The following PGAP1 variants were observed in gnomAD, a reference collection of about 807,000 sequenced individuals.
PGAP1 encodes the protein post-GPI attachment to proteins inositol deacylase 1, also known as GPI inositol-deacylase.
A neutral mutation model predicts 127.0 loss-of-function variants in PGAP1; 76 were observed. That is an observed-to-expected ratio of 0.60 (90% CI 0.50 to 0.72). The LOEUF (loss-of-function observed/expected upper bound fraction) is 0.72. PGAP1 is among the 30% of genes least tolerant of loss of function. PGAP1 has a pLI of 0.00. For synonymous variants in PGAP1, 362 were observed against 366.5 expected (o/e 0.99, Z 0.14); for missense variants, 982 against 1,071.3 (o/e 0.92, Z 1.16).
At chr2:196,885,200 A>C (rs1701859059) in intron 12 of PGAP1, among the ~76,000 whole-genome samples, 1 of 152,212 alleles carries the variant, frequency 6.6e-6, no homozygotes, top group Non-Finnish European at 1.5e-5. Context: ...AGGACTGTTA[A>C]CTTATAGTTT....
chr2:196,882,880 C>T (rs1223658840), intron 12 of PGAP1, among the ~76,000 whole-genome samples: 3 of 152,144 alleles, frequency 2.0e-5, no homozygotes, highest in Non-Finnish European at 4.4e-5. Flanking sequence ...CCAGGTCTTC[C>T]AGTACTATGC....
chr2:196,879,625 G>A (rs1171289441), intron 13 of PGAP1, among the ~76,000 whole-genome samples: 1 of 152,118 alleles, frequency 6.6e-6, no homozygotes, highest in African/African-American at 2.4e-5. Context: ...AACCCAGGAG[G>A]TGGAGGTTGT....
chr2:196,894,989 T>A (rs1403461470), intron 7 of PGAP1, among the ~76,000 whole-genome samples: 1 of 152,162 alleles, frequency 6.6e-6, no homozygotes, highest in Admixed American at 6.5e-5. Flanking sequence ...GCATTTTAGT[T>A]TCCCTGAATA....
At chr2:196,890,129 T>G (rs1030998574) in intron 10 of PGAP1, among the ~76,000 whole-genome samples, 1 of 152,046 alleles carries the variant, frequency 6.6e-6, no homozygotes, top group African/African-American at 2.4e-5. Flanking sequence ...GAGACGGGGT[T>G]TGACCATGTT....
At chr2:196,890,786 G>C (rs1169214277) in intron 10 of PGAP1, 42 bp downstream of exon 10, 1 of 1,146,544 alleles carries the variant, frequency 8.7e-7, no homozygotes, top group East Asian at 2.4e-5. Context: ...ATGAACAACA[G>C]TTAGCCTCTT....
chr2:196,893,188 G>T lies in PGAP1; in HGVS notation c.985C>A (p.Pro329Thr). The change falls in exon 8 of 27, where the codon CCA becomes ACA. Residue 329 changes from proline (P) to threonine (T), a missense_variant. Physicochemically the swap from Pro to Thr is conservative, Grantham distance 38. Transcript: ENST00000354764. Reference protein sequence around the residue: ...SVLYHHFIRHPSKHFEENPAI... With the variant: ...SVLYHHFIRHTSKHFEENPAI... ...GGATTTTCCTCAAAATGTTTTGATG[G>T]GTGTCTTATAAAGTGGTGATACAAA... The T allele has an allele frequency of 1.3e-6, 2 of 1,599,398 alleles. No homozygotes were observed. Among genetic ancestry groups the T allele is most frequent in the Non-Finnish European group, 8.5e-7 (1 of 1,171,054 alleles).
chr2:196,926,419 C>A (rs1171190909), intron 1 of PGAP1, 51 bp downstream of exon 1: 4 of 1,608,666 alleles, frequency 2.5e-6, no homozygotes, highest in Non-Finnish European at 2.5e-6. Flanking sequence ...GAAAAAGGCA[C>A]CAGGGGCCAG....
At chr2:196,848,522 C>T (rs1035313456) in intron 20 of PGAP1, among the ~76,000 whole-genome samples, 5 of 152,092 alleles carry the variant, frequency 3.3e-5, no homozygotes, top group East Asian at 1.9e-4. Context: ...TAAAGATAGG[C>T]CTATTCTGAA....
chr2:196,884,412 T>C (rs1701830409), intron 12 of PGAP1, among the ~76,000 whole-genome samples: 1 of 152,170 alleles, frequency 6.6e-6, no homozygotes, highest in South Asian at 2.1e-4. Flanking sequence ...TCATATTTGT[T>C]TGATAAACAC....
At chr2:196,873,435 A>G in intron 16 of PGAP1, 93 bp downstream of exon 16, 1 of 840,708 alleles carries the variant, frequency 1.2e-6, no homozygotes, top group Non-Finnish European at 1.9e-6. Context: ...AAATATATGG[A>G]AGAATAAGTA....
intron 10 of PGAP1, among the ~76,000 whole-genome samples, chr2:196,887,256 C>T (rs1701942678): frequency 1.3e-5 from 2 of 152,082 alleles, no homozygotes; most frequent in South Asian, 2.1e-4. Context: ...TGGTGGTGGG[C>T]GTCTGTAGTC....
At chr2:196,916,352 T>C (rs1022612361) in intron 3 of PGAP1, 66 bp downstream of exon 3, 8 of 1,382,056 alleles carry the variant, frequency 5.8e-6, no homozygotes, top group African/African-American at 4.4e-5. Flanking sequence ...TAAAGTATAC[T>C]GAATCCCTTT....
At position 196,835,269 on chromosome 2, in the gene PGAP1, G is replaced by T. The variant is rs973445523; in HGVS notation, c.*5965C>A. On this transcript the variant is annotated 3_prime_UTR_variant, in exon 27 of 27. Transcript: ENST00000354764. ...TACTATGTTAGGTTCCAGTGGACAA[G>T]TTCCCCTGTGAAACATGTGACTATA... 1 of 151,900 alleles carries T rather than the reference G, an allele frequency of 6.6e-6. No homozygotes were observed. The highest frequency in any genetic ancestry group is 2.4e-5 in the African/African-American group (1 of 41,408). 9.4% of individuals were successfully genotyped at this position (151,900 alleles called of 1,614,324 possible). A position where few individuals can be genotyped will look rare whatever the true frequency, so the allele number is the denominator to read the frequency against.
chr2:196,884,797 T>C (rs539095850), intron 12 of PGAP1, among the ~76,000 whole-genome samples: 27 of 152,276 alleles, frequency 1.8e-4, no homozygotes, highest in Admixed American at 4.6e-4. Context: ...TAAATACAAT[T>C]TGGAAATTAG....
intron 10 of PGAP1, among the ~76,000 whole-genome samples, chr2:196,886,838 C>T (rs1432989381): frequency 6.6e-6 from 1 of 152,028 alleles, no homozygotes; most frequent in Non-Finnish European, 1.5e-5. Flanking sequence ...GCTGGGACTA[C>T]AGCGGTGTGA....
intron 10 of PGAP1, among the ~76,000 whole-genome samples, chr2:196,888,969 T>C (rs1193895594): frequency 1.3e-5 from 2 of 152,198 alleles, no homozygotes; most frequent in African/African-American, 2.4e-5. Context: ...AGCTGTGTGT[T>C]GATTATAAAA....
intron 19 of PGAP1, 71 bp from the exon 20 acceptor site, chr2:196,865,151 T>C (rs1701198851): frequency 1.2e-6 from 1 of 827,996 alleles, no homozygotes; most frequent in Non-Finnish European, 1.9e-6. Context: ...ACATAAAATT[T>C]AAAAGTTGCT....
Position 196,893,136 on chromosome 2 carries a change from C to T in PGAP1, c.1033+4G>A. 1 of 1,523,736 alleles carries T rather than the reference C, an allele frequency of 6.6e-7. No individual in the cohort carries two copies. Among genetic ancestry groups the T allele is most frequent in the Non-Finnish European group, 9.1e-7 (1 of 1,104,024 alleles). 94.4% of individuals were successfully genotyped at this position (1,523,736 alleles called of 1,614,324 possible). On this transcript the variant is annotated splice_donor_region_variant and intron_variant, in intron 8 of 26. Transcript: ENST00000354764. ...TAAAATTAAAATATGTTATTGTCAC[C>T]AACCTGTTAAGTCAGAAATTATAGC...
In PGAP1 at chr2:196,834,243, G is replaced by GT. The variant is rs1700175553; in HGVS notation, c.*6990dup. ...ACCTAATTTTCTACATCTATGTAGCGTAAGTCTACTTTAATTCAAAATGAG... is the reference window on the plus strand; with the variant it reads ...ACCTAATTTTCTACATCTATGTAGCGTTAAGTCTACTTTAATTCAAAATGAG... On this transcript the variant is annotated 3_prime_UTR_variant, in exon 27 of 27. Coordinates refer to ENST00000354764, the MANE Select transcript of PGAP1 (RefSeq NM_024989.4). 1 of 152,016 alleles carries GT rather than the reference G, an allele frequency of 6.6e-6. No homozygotes were observed. The allele number at this position is 152,016 out of a possible 1,614,324, so 9.4% of individuals were successfully genotyped here.
Sources: allele counts gnomAD v4.1 joint callset (sites outside exome capture counted in the v4.1 genomes callset), GRCh38; gene constraint gnomAD v4.1.1; transcripts MANE v1.5; gene names NCBI Gene and HGNC (gene_info 2026-07-23, HGNC 2026-07-21).